Variants in CNTN5 observed in about 807,000 individuals in gnomAD.
CNTN5 encodes the protein contactin-5.
In CNTN5, 77 loss-of-function variants were observed where a neutral mutation model predicts 129.1. That is an observed-to-expected ratio of 0.60 (90% CI 0.50 to 0.72). CNTN5 has a LOEUF of 0.72. Ranked by LOEUF, CNTN5 falls within the 30% of genes least tolerant of loss-of-function variation. The pLI is 0.00. For synonymous variants in CNTN5, 509 were observed against 465.6 expected (o/e 1.09, Z -1.20); for missense variants, 1,478 against 1,328.8 (o/e 1.11, Z -1.75).
chr11:99,664,052 A>G lies in CNTN5; in HGVS notation c.55+107783A>G, dbSNP rs746028904. Among the ~76,000 whole-genome samples, 38 of 152,152 alleles carry G rather than the reference A, an allele frequency of 2.5e-4. 1 individual carries two copies. Among genetic ancestry groups the G allele is most frequent in the Non-Finnish European group, 5.1e-4 (35 of 68,016 alleles). ...ACATGGCTAGTGTCTACAGTATTGGAACGGCGCGGGTAGAGACCATGGCTT... is the reference window on the plus strand; with the variant it reads ...ACATGGCTAGTGTCTACAGTATTGGGACGGCGCGGGTAGAGACCATGGCTT... On this transcript the variant is annotated intron_variant, in intron 3 of 24. Transcript: ENST00000524871.
At chr11:99,411,326 C>T (rs1172820741) in intron 2 of CNTN5, among the ~76,000 whole-genome samples, 1 of 152,046 alleles carries the variant, frequency 6.6e-6, no homozygotes, top group Non-Finnish European at 1.5e-5. Context: ...GGAGACCAGC[C>T]TGGGCAACAT....
chr11:99,637,359 GA>G (rs1184825910), intron 3 of CNTN5, among the ~76,000 whole-genome samples: 6 of 151,902 alleles, frequency 3.9e-5, no homozygotes, highest in East Asian at 1.9e-4. Context: ...GATATCAAAG[GA>G]AAAAAATTAG....
chr11:100,210,789 A>G (rs1385136958), intron 15 of CNTN5, among the ~76,000 whole-genome samples: 1 of 152,230 alleles, frequency 6.6e-6, no homozygotes, highest in African/African-American at 2.4e-5. Flanking sequence ...AAGAATGTGT[A>G]TGCAGTCATG....
chr11:100,092,032 TATA>T (rs1944807478), intron 13 of CNTN5, among the ~76,000 whole-genome samples: 1 of 152,082 alleles, frequency 6.6e-6, no homozygotes, highest in African/African-American at 2.4e-5. Flanking sequence ...TTTGAAAAAA[TATA>T]ATAACAAAAA....
chr11:99,105,160 A>G (rs1311152600), intron 1 of CNTN5, among the ~76,000 whole-genome samples: 1 of 152,148 alleles, frequency 6.6e-6, no homozygotes, highest in African/African-American at 2.4e-5. Context: ...ACGTGAGTGT[A>G]GTTGTCAGCA....
At chr11:99,987,415 C>T (rs1340725759) in intron 8 of CNTN5, among the ~76,000 whole-genome samples, 1 of 151,544 alleles carries the variant, frequency 6.6e-6, no homozygotes, top group Non-Finnish European at 1.5e-5. Context: ...TATATATACA[C>T]ACACAGTATT....
chr11:99,029,149 G>A (rs1357001522), intron 1 of CNTN5, among the ~76,000 whole-genome samples: 1 of 151,112 alleles, frequency 6.6e-6, no homozygotes, highest in Non-Finnish European at 1.5e-5. Flanking sequence ...AATCATTAAA[G>A]GTTTGAGTCT....
chr11:100,261,108 CA>C (rs1950187073), intron 17 of CNTN5, among the ~76,000 whole-genome samples: 2 of 151,978 alleles, frequency 1.3e-5, no homozygotes, highest in East Asian at 1.9e-4. Context: ...TTTCAGGATA[CA>C]AAAATCAATG....
chr11:100,140,692 A>G (rs898807848), intron 13 of CNTN5, among the ~76,000 whole-genome samples: 1 of 152,202 alleles, frequency 6.6e-6, no homozygotes, highest in African/African-American at 2.4e-5. Flanking sequence ...AGAGAAGTAG[A>G]ATAATTATCT....
chr11:99,108,775 A>AT (rs1435281532), intron 1 of CNTN5, among the ~76,000 whole-genome samples: 3 of 152,066 alleles, frequency 2.0e-5, no homozygotes, highest in Non-Finnish European at 2.9e-5. Flanking sequence ...AGAAATATAG[A>AT]TTTTGTGTTG....
At chr11:100,318,185 G>A (rs560605801) in intron 21 of CNTN5, among the ~76,000 whole-genome samples, 108 of 144,646 alleles carry the variant, frequency 7.5e-4, no homozygotes, top group Non-Finnish European at 1.4e-3. Context: ...AACTTGCAGT[G>A]AGCCGAGATC....
chr11:100,353,363 T>G (rs1019797919), intron 24 of CNTN5, among the ~76,000 whole-genome samples: 4 of 151,588 alleles, frequency 2.6e-5, no homozygotes, highest in Admixed American at 6.6e-5. Context: ...AGCTAGTTAG[T>G]TTTATAGCTG....
At chr11:99,201,323 C>CCCTT (rs749149194) in intron 1 of CNTN5, among the ~76,000 whole-genome samples, 227 of 71,616 alleles carry the variant, frequency 3.2e-3, no homozygotes, top group African/African-American at 0.012. Flanking sequence ...TGCGCCTGGC[C>CCCTT]CCTTCCTTCC....
At chr11:99,493,014 T>G (rs1946094553) in intron 2 of CNTN5, among the ~76,000 whole-genome samples, 1 of 152,196 alleles carries the variant, frequency 6.6e-6, no homozygotes, top group South Asian at 2.1e-4. Context: ...GATAATTCTT[T>G]AATGGTTTGT....
chr11:100,184,077 A>C (rs2138466554), intron 13 of CNTN5, among the ~76,000 whole-genome samples: 1 of 152,238 alleles, frequency 6.6e-6, no homozygotes, highest in African/African-American at 2.4e-5. Context: ...TTACCCCCTA[A>C]GAAGAGACTT....
intron 3 of CNTN5, among the ~76,000 whole-genome samples, chr11:99,632,833 A>AAGAGTTT (rs1951412508): frequency 6.6e-6 from 1 of 152,192 alleles, no homozygotes; most frequent in Admixed American, 6.5e-5. Flanking sequence ...CAGTTTCCAT[A>AAGAGTTT]TATTCAGAAG....
At chr11:99,597,631 T>C (rs1055420780) in intron 3 of CNTN5, among the ~76,000 whole-genome samples, 1 of 152,174 alleles carries the variant, frequency 6.6e-6, no homozygotes, top group Non-Finnish European at 1.5e-5. Flanking sequence ...TGTTTAATTT[T>C]AGGTCCTCTG....
At chr11:99,399,367 G>A (rs1941684357) in intron 2 of CNTN5, among the ~76,000 whole-genome samples, 2 of 151,690 alleles carry the variant, frequency 1.3e-5, no homozygotes, top group South Asian at 2.1e-4. Context: ...GGGATTTTTG[G>A]TTGATCAAGA....
At chr11:99,332,985 A>T (rs1213052826) in intron 2 of CNTN5, among the ~76,000 whole-genome samples, 3 of 152,108 alleles carry the variant, frequency 2.0e-5, no homozygotes. Flanking sequence ...ATCGTAATTT[A>T]GAAGCCGCTA....
Sources: gnomAD v4.1 joint callset for allele counts (sites outside exome capture counted in the v4.1 genomes callset) on GRCh38, gnomAD v4.1.1 for gene constraint, MANE v1.5 for transcripts, NCBI Gene and HGNC (gene_info 2026-07-23, HGNC 2026-07-21) for gene names.